ARNT: variants seen among roughly 807,000 people sequenced by gnomAD.
ARNT encodes the protein class E basic helix-loop-helix protein 2.
In ARNT, 30 loss-of-function variants were observed where a neutral mutation model predicts 105.0. The observed-to-expected ratio is 0.29, with a 90% CI of 0.21 to 0.39. The LOEUF is 0.39. ARNT is among the 10% of genes least tolerant of loss of function. The probability of loss-of-function intolerance (pLI) is 1.00; values close to 1 mark genes in which losing one functional copy is unlikely to be tolerated. For missense variants in ARNT, 748 were observed against 978.7 expected, an observed-to-expected ratio of 0.76 and a Z score of 3.15; for synonymous variants, 304 against 344.0, an observed-to-expected ratio of 0.88 and a Z score of 1.29.
chr1:150,859,688 A>G (rs1665258271), intron 1 of ARNT, among the ~76,000 whole-genome samples: 2 of 151,984 alleles, frequency 1.3e-5, no homozygotes. Flanking sequence ...TTTCAATCTC[A>G]GTTTATATAT....
intron 5 of ARNT, chr1:150,842,179 A>C: frequency 1.3e-6 from 1 of 799,726 alleles, no homozygotes. Context: ...AAAGAGAAAA[A>C]GAAAAAAAAA....
intron 6 of ARNT, among the ~76,000 whole-genome samples, chr1:150,837,531 T>C (rs1210199018): frequency 1.3e-5 from 2 of 152,188 alleles, no homozygotes; most frequent in Non-Finnish European, 2.9e-5. Context: ...TTAAATTTTA[T>C]TTTTCCCTAC....
intron 3 of ARNT, among the ~76,000 whole-genome samples, chr1:150,850,642 C>T (rs187387999): frequency 0.025 from 3,884 of 152,316 alleles, 160 homozygotes; most frequent in African/African-American, 0.085. Context: ...CAACCTCCAC[C>T]TCCCAGCCGC....
At chr1:150,871,116 TAA>T (rs1266923493) in intron 1 of ARNT, among the ~76,000 whole-genome samples, 1 of 152,020 alleles carries the variant, frequency 6.6e-6, no homozygotes, top group Admixed American at 6.6e-5. Context: ...AGACTAGACA[TAA>T]AGATTAGCAA....
At chr1:150,854,909 A>T (rs115360610) in intron 2 of ARNT, among the ~76,000 whole-genome samples, 3 of 150,818 alleles carry the variant, frequency 2.0e-5, no homozygotes, top group Non-Finnish European at 4.4e-5. Context: ...GGAGGGAGGG[A>T]AAGGTAATTG....
At chr1:150,865,580 C>T (rs1367933905) in intron 1 of ARNT, among the ~76,000 whole-genome samples, 1 of 152,104 alleles carries the variant, frequency 6.6e-6, no homozygotes, top group African/African-American at 2.4e-5. Context: ...TTTCTCTATT[C>T]CTTCTAACCA....
chr1:150,875,190 T>C (rs1221625297), intron 1 of ARNT, among the ~76,000 whole-genome samples: 1 of 152,204 alleles, frequency 6.6e-6, no homozygotes, highest in Non-Finnish European at 1.5e-5. Flanking sequence ...TCCTGTTTTA[T>C]AGTTTTATTC....
intron 18 of ARNT, 89 bp from the exon 19 acceptor site, chr1:150,816,495 ATCCCC>A: frequency 6.9e-7 from 1 of 1,452,398 alleles, no homozygotes; most frequent in Non-Finnish European, 9.2e-7. Context: ...CTATCCCTAG[ATCCCC>A]TTGACTTCCT....
chr1:150,860,878 AT>A (rs1173315817), intron 1 of ARNT, among the ~76,000 whole-genome samples: 1 of 152,140 alleles, frequency 6.6e-6, no homozygotes, highest in African/African-American at 2.4e-5. Flanking sequence ...CAAATAAAAA[AT>A]AAAACAAAAT....
chr1:150,855,966 G>A (rs765541010), intron 2 of ARNT, among the ~76,000 whole-genome samples: 1 of 152,038 alleles, frequency 6.6e-6, no homozygotes, highest in Admixed American at 6.6e-5. Context: ...GTGTGTGTGC[G>A]TGTGTATTGC....
chr1:150,832,753 A>C (rs1659577304), intron 8 of ARNT, among the ~76,000 whole-genome samples: 1 of 152,230 alleles, frequency 6.6e-6, no homozygotes. Flanking sequence ...ATATGTAAAA[A>C]TATGGGCATG....
At chr1:150,852,929 G>A in intron 2 of ARNT, 123 bp from the exon 3 acceptor site, 1 of 1,227,620 alleles carries the variant, frequency 8.1e-7, no homozygotes, top group Non-Finnish European at 1.2e-6. Flanking sequence ...AGAGGAAGTG[G>A]CAGAAGTCAA....
chr1:150,871,044 G>A (rs892958895), intron 1 of ARNT, among the ~76,000 whole-genome samples: 12 of 151,830 alleles, frequency 7.9e-5, no homozygotes, highest in Admixed American at 4.6e-4. Flanking sequence ...ATACATTGAC[G>A]AAATTATGAA....
At chr1:150,838,121 C>CT (rs1660638371) in intron 6 of ARNT, among the ~76,000 whole-genome samples, 1 of 152,140 alleles carries the variant, frequency 6.6e-6, no homozygotes, top group Non-Finnish European at 1.5e-5. Context: ...AATCTAAATT[C>CT]TTTAACACCT....
At chr1:150,866,015 C>A (rs777362763) in intron 1 of ARNT, among the ~76,000 whole-genome samples, 34 of 149,106 alleles carry the variant, frequency 2.3e-4, no homozygotes, top group Non-Finnish European at 4.4e-4. Flanking sequence ...AGAGTCTTCG[C>A]TCTTTTGCCC....
intron 3 of ARNT, 35 bp from the exon 4 acceptor site, chr1:150,846,342 A>G (rs753702270): frequency 1.2e-6 from 2 of 1,604,880 alleles, no homozygotes; most frequent in South Asian, 1.1e-5. Context: ...TCAAAGCATT[A>G]CACTTGTTAT....
At chr1:150,851,833 G>GA (rs1663639952) in intron 3 of ARNT, among the ~76,000 whole-genome samples, 1 of 151,724 alleles carries the variant, frequency 6.6e-6, no homozygotes, top group South Asian at 2.1e-4. Flanking sequence ...CCCTCTGCGA[G>GA]AAACACCCAA....
Position 150,810,845 on chromosome 1 carries a change from A to G in ARNT, c.*1176T>C. Reference sequence around the variant, plus strand: ...CAAGATTGGAGGGAGCAAAGAGGAAAAACCTCTTAGGGCCAGAGAGACTTA... The same window carrying G: ...CAAGATTGGAGGGAGCAAAGAGGAAGAACCTCTTAGGGCCAGAGAGACTTA... On this transcript the variant is annotated 3_prime_UTR_variant, in exon 22 of 22. Transcript: ENST00000358595. 4.5e-6 allele frequency: 1 copy of G among 223,558 alleles called. No homozygotes were observed. The allele number at this position is 223,558 out of a possible 1,614,324, so 13.8% of individuals were successfully genotyped here. A position where few individuals can be genotyped will look rare whatever the true frequency, so the allele number is the denominator to read the frequency against.
At chr1:150,870,010 T>C (rs1411028798) in intron 1 of ARNT, among the ~76,000 whole-genome samples, 1 of 152,208 alleles carries the variant, frequency 6.6e-6, no homozygotes, top group Non-Finnish European at 1.5e-5. Context: ...ATATCCATTG[T>C]ACTATATTTC....
Sources: gnomAD v4.1 joint callset for allele counts (sites outside exome capture counted in the v4.1 genomes callset) on GRCh38, gnomAD v4.1.1 for gene constraint, MANE v1.5 for transcripts, NCBI Gene and HGNC (gene_info 2026-07-23, HGNC 2026-07-21) for gene names.